The following NELL1 variants were observed in gnomAD, a reference collection of about 807,000 sequenced individuals.
NELL1 encodes neural EGFL like 1, also known as protein kinase C-binding protein NELL1.
NELL1 carries 76 observed loss-of-function variants against 107.4 expected under a neutral mutation model. The ratio of observed to expected loss-of-function variants is 0.71; its 90% CI spans 0.59 to 0.86. The LOEUF is 0.86. Ranked by LOEUF, NELL1 falls within the 40% of genes least tolerant of loss-of-function variation. NELL1 has a pLI of 0.00. For missense variants in NELL1, 1,024 were observed against 1,005.5 expected (o/e 1.02, Z -0.25); for synonymous variants, 353 against 341.2 (o/e 1.03, Z -0.38).
chr11:21,065,411 C>A (rs1013889304), intron 12 of NELL1, among the ~76,000 whole-genome samples: 1 of 152,070 alleles, frequency 6.6e-6, no homozygotes, highest in Admixed American at 6.6e-5. Flanking sequence ...CTCCTTGACT[C>A]GATTTGCTAT....
intron 7 of NELL1, chr11:20,927,086 G>T (rs1590424768): frequency 2.1e-6 from 1 of 483,100 alleles, no homozygotes. Flanking sequence ...GTCTCATTTG[G>T]TATTCATTAG....
chr11:20,683,009 A>G (rs1300954522), intron 2 of NELL1, among the ~76,000 whole-genome samples: 1 of 151,984 alleles, frequency 6.6e-6, no homozygotes, highest in Non-Finnish European at 1.5e-5. Context: ...TATTTAGACT[A>G]TTTACATTTA....
chr11:20,902,045 G>A (rs1849886083), intron 5 of NELL1, among the ~76,000 whole-genome samples: 1 of 152,006 alleles, frequency 6.6e-6, no homozygotes, highest in South Asian at 2.1e-4. Flanking sequence ...CTAACTGAAA[G>A]CTCAATGTTG....
At chr11:21,563,635 A>G (rs536720072) in intron 17 of NELL1, among the ~76,000 whole-genome samples, 2 of 152,214 alleles carry the variant, frequency 1.3e-5, no homozygotes, top group African/African-American at 2.4e-5. Flanking sequence ...GAGGATATGC[A>G]TAGGTGGTTT....
chr11:21,200,393 C>T (rs547473030), intron 13 of NELL1, among the ~76,000 whole-genome samples: 138 of 152,120 alleles, frequency 9.1e-4, no homozygotes, highest in African/African-American at 3.1e-3. Flanking sequence ...TCTCTAATGA[C>T]GAGTGATGAT....
chr11:21,137,052 A>G (rs1323322151), intron 13 of NELL1, among the ~76,000 whole-genome samples: 1 of 152,218 alleles, frequency 6.6e-6, no homozygotes, highest in East Asian at 1.9e-4. Context: ...AGAAGAGAGA[A>G]GGAGGAGGCA....
At chr11:20,757,836 A>C (rs892445494) in intron 2 of NELL1, among the ~76,000 whole-genome samples, 1 of 152,144 alleles carries the variant, frequency 6.6e-6, no homozygotes, top group Non-Finnish European at 1.5e-5. Context: ...ATTTCCTCTT[A>C]ACATGCTGTC....
At chr11:21,158,738 A>G (rs975027782) in intron 13 of NELL1, among the ~76,000 whole-genome samples, 3 of 152,164 alleles carry the variant, frequency 2.0e-5, no homozygotes, top group Non-Finnish European at 4.4e-5. Flanking sequence ...TTTAAGTAGG[A>G]CTGAGTGGGC....
chr11:21,403,981 G>A (rs1001866902), intron 15 of NELL1, among the ~76,000 whole-genome samples: 2 of 141,760 alleles, frequency 1.4e-5, no homozygotes, highest in African/African-American at 5.2e-5. Flanking sequence ...TCAATGTGGC[G>A]GAAAATATCT....
chr11:21,465,832 G>A (rs1232412729), intron 15 of NELL1, among the ~76,000 whole-genome samples: 1 of 152,046 alleles, frequency 6.6e-6, no homozygotes, highest in Non-Finnish European at 1.5e-5. Flanking sequence ...ATGCTTTAAA[G>A]AGGTCAGAAT....
intron 15 of NELL1, among the ~76,000 whole-genome samples, chr11:21,382,967 G>A (rs1291171051): frequency 2.0e-5 from 3 of 151,972 alleles, no homozygotes; most frequent in African/African-American, 4.8e-5. Context: ...CTGTGAAACC[G>A]TGAGCAACTG....
intron 13 of NELL1, among the ~76,000 whole-genome samples, chr11:21,222,275 G>T (rs1220479875): frequency 1.3e-5 from 2 of 152,130 alleles, no homozygotes; most frequent in East Asian, 3.9e-4. Context: ...TGCCTCCCAG[G>T]TTCACACCAT....
chr11:21,302,147 C>T lies in NELL1; in HGVS notation c.1550-68706C>T, dbSNP rs116575370. 5.6e-3 allele frequency among the ~76,000 whole-genome samples: 845 copies of T among 152,028 alleles called. 5 individuals carry two copies. The highest frequency in any genetic ancestry group is 0.018 in the African/African-American group (765 of 41,494). The stretch of plus-strand genomic sequence containing the variant: ...CAAAAATTTATGATTTCTCATGATT[C>T]GTGGGTTGACCAGGCTCAGCTGGGT... On this transcript the variant is annotated intron_variant, in intron 14 of 19. Transcript: ENST00000357134.
In NELL1 at chr11:21,105,598, G is replaced by A. The variant is rs189825637; in HGVS notation, c.1301-7991G>A. On this transcript the variant is annotated intron_variant, in intron 12 of 19. Transcript: ENST00000357134. ...TTGGCACAGCTGCCAGCATTTGCCC[G>A]TGCAAGCTTCCAGCTTGCTTATCTG... is the stretch of plus-strand genomic sequence containing the variant. Among the ~76,000 whole-genome samples the A allele has an allele frequency of 2.9e-3, 436 of 152,220 alleles. 2 individuals are homozygous for A. The highest frequency in any genetic ancestry group is 9.8e-3 in the African/African-American group (409 of 41,540).
chr11:21,233,802 T>C (rs11025977), intron 14 of NELL1, among the ~76,000 whole-genome samples: 41,860 of 152,146 alleles, frequency 0.28, 6,927 homozygotes, highest in East Asian at 0.41. Context: ...ATGCAGCTGA[T>C]AGACTATGTC....
intron 16 of NELL1, among the ~76,000 whole-genome samples, chr11:21,551,861 A>T (rs1856596250): frequency 6.6e-6 from 1 of 150,584 alleles, no homozygotes; most frequent in East Asian, 2.0e-4. Flanking sequence ...GGCACTATTC[A>T]CAATAGCAAA....
At chr11:21,012,585 C>T (rs1376212636) in intron 12 of NELL1, among the ~76,000 whole-genome samples, 1 of 152,082 alleles carries the variant, frequency 6.6e-6, no homozygotes, top group African/African-American at 2.4e-5. Flanking sequence ...AATATACATA[C>T]AGTTCGCTAA....
chr11:20,685,656 AGTACT>A (rs2133859178), intron 2 of NELL1, among the ~76,000 whole-genome samples: 1 of 152,276 alleles, frequency 6.6e-6, no homozygotes, highest in Admixed American at 6.5e-5. Context: ...GTGCTCGAAC[AGTACT>A]TGGTGGTGAG....
intron 3 of NELL1, among the ~76,000 whole-genome samples, chr11:20,843,484 C>G (rs1848652507): frequency 1.7e-5 from 2 of 119,162 alleles, no homozygotes; most frequent in African/African-American, 5.3e-5. Flanking sequence ...ACTGTTTTCA[C>G]TCTTGTACAC....
Sources: gnomAD v4.1 joint callset for allele counts (sites outside exome capture counted in the v4.1 genomes callset) on GRCh38, gnomAD v4.1.1 for gene constraint, MANE v1.5 for transcripts, NCBI Gene and HGNC (gene_info 2026-07-23, HGNC 2026-07-21) for gene names.